EYA2: variants seen among roughly 807,000 people sequenced by gnomAD.
The protein encoded by EYA2 is EYA transcriptional coactivator and phosphatase 2, also known as protein phosphatase EYA2.
EYA2 carries 31 observed loss-of-function variants against 69.2 expected under a neutral mutation model. The observed-to-expected ratio is 0.45, with a 90% confidence interval of 0.34 to 0.60. EYA2 has a LOEUF of 0.60. Ranked by LOEUF, EYA2 falls within the 20% of genes least tolerant of loss-of-function variation. EYA2 has a pLI of 0.02. For missense variants in EYA2, 622 were observed against 701.2 expected (o/e 0.89, Z 1.28); for synonymous variants, 257 against 279.4 (o/e 0.92, Z 0.80).
At chr20:47,016,356 T>C (rs948901252) in intron 5 of EYA2, 59 bp downstream of exon 5, 3 of 1,285,576 alleles carry the variant, frequency 2.3e-6, no homozygotes, top group African/African-American at 2.9e-5. Context: ...AAGTTGGGTG[T>C]CCATTCATTC....
chr20:46,938,930 T>C (rs944580902), intron 1 of EYA2, among the ~76,000 whole-genome samples: 2 of 152,336 alleles, frequency 1.3e-5, no homozygotes, highest in South Asian at 4.1e-4. Flanking sequence ...ACATTAATAC[T>C]GTACTACTAC....
chr20:46,981,759 A>G (rs761285550), intron 1 of EYA2, among the ~76,000 whole-genome samples: 21 of 152,104 alleles, frequency 1.4e-4, no homozygotes, highest in Non-Finnish European at 2.4e-4. Context: ...TGTTGTATTC[A>G]TATTATTGAA....
At chr20:47,160,072 T>C (rs1467692105) in intron 10 of EYA2, among the ~76,000 whole-genome samples, 1 of 151,764 alleles carries the variant, frequency 6.6e-6, no homozygotes, top group African/African-American at 2.4e-5. Flanking sequence ...TGGAGGGAGG[T>C]GATATCCATT....
At chr20:46,987,820 G>C (rs559748692) in intron 1 of EYA2, among the ~76,000 whole-genome samples, 11 of 150,712 alleles carry the variant, frequency 7.3e-5, no homozygotes, top group South Asian at 2.1e-4. Context: ...TCAGCTACTC[G>C]GGAGGCTGAG....
intron 7 of EYA2, among the ~76,000 whole-genome samples, chr20:47,081,391 A>C (rs78435888): frequency 0.025 from 3,808 of 152,264 alleles, 157 homozygotes; most frequent in African/African-American, 0.084. Context: ...CAATATATAC[A>C]TATATCAAAA....
chr20:46,994,570 A>G (rs1349999544), intron 2 of EYA2, among the ~76,000 whole-genome samples: 1 of 152,020 alleles, frequency 6.6e-6, no homozygotes, highest in East Asian at 1.9e-4. Flanking sequence ...TTTCAGTCTC[A>G]CCGGTTCCAA....
intron 9 of EYA2, among the ~76,000 whole-genome samples, chr20:47,104,518 C>CA (rs774977359): frequency 2.0e-5 from 3 of 152,170 alleles, no homozygotes; most frequent in Non-Finnish European, 4.4e-5. Context: ...ACCTAGGTCA[C>CA]AGAGATTTAC....
chr20:47,049,199 C>T (rs113819380), intron 5 of EYA2, among the ~76,000 whole-genome samples: 1 of 149,116 alleles, frequency 6.7e-6, no homozygotes, highest in Non-Finnish European at 1.5e-5. Flanking sequence ...GTACAGAGTT[C>T]CCTGAAGCCC....
chr20:46,935,758 T>C (rs1009390515), intron 1 of EYA2, among the ~76,000 whole-genome samples: 1 of 152,146 alleles, frequency 6.6e-6, no homozygotes, highest in African/African-American at 2.4e-5. Context: ...AAATGTCAAA[T>C]AAATAATTAT....
At chr20:47,001,112 T>C (rs969544345) in intron 2 of EYA2, among the ~76,000 whole-genome samples, 2 of 152,082 alleles carry the variant, frequency 1.3e-5, no homozygotes, top group African/African-American at 2.4e-5. Flanking sequence ...TCTTTCTGTC[T>C]CTTTGGCCTC....
intron 10 of EYA2, 124 bp from the exon 11 acceptor site, chr20:47,169,015 G>A (rs1206035473): frequency 3.7e-6 from 3 of 807,088 alleles, no homozygotes; most frequent in East Asian, 5.0e-5. Context: ...TAGAACCCGA[G>A]CCTGATGACT....
At chr20:47,032,207 T>C (rs1038026243) in intron 5 of EYA2, among the ~76,000 whole-genome samples, 6 of 152,164 alleles carry the variant, frequency 3.9e-5, no homozygotes, top group African/African-American at 1.4e-4. Context: ...GTTCAGGTGG[T>C]AAAGCGGGGA....
At chr20:46,930,807 C>T (rs1682535238) in intron 1 of EYA2, among the ~76,000 whole-genome samples, 1 of 152,228 alleles carries the variant, frequency 6.6e-6, no homozygotes, top group South Asian at 2.1e-4. Flanking sequence ...GACGCGTTGA[C>T]TCTGTGCCAG....
At chr20:47,011,361 T>A (rs1468271537) in intron 4 of EYA2, among the ~76,000 whole-genome samples, 1 of 152,160 alleles carries the variant, frequency 6.6e-6, no homozygotes, top group East Asian at 1.9e-4. Context: ...AGGGGGCTGT[T>A]GATATTTTAA....
intron 1 of EYA2, among the ~76,000 whole-genome samples, chr20:46,896,337 G>A (rs1352504006): frequency 2.0e-5 from 3 of 151,742 alleles, no homozygotes; most frequent in African/African-American, 7.3e-5. Context: ...TACAGAACTA[G>A]TAAGCACCTT....
rs115159549 is a variant in EYA2 at position 47,050,329 on chromosome 20, C to T, written c.416-21856C>T. 2.0e-3 allele frequency among the ~76,000 whole-genome samples: 308 copies of T among 152,340 alleles called. 1 individual carries two copies. The highest frequency in any genetic ancestry group is 6.9e-3 in the African/African-American group (288 of 41,586). On this transcript the variant is annotated intron_variant, in intron 5 of 15. Transcript: ENST00000327619. ...AACAAACACAAAATATTCAGCAGGA[C>T]ACATCAGCAGACCTCACCCATCCCT...
At chr20:47,159,577 A>T (rs963672567) in intron 10 of EYA2, among the ~76,000 whole-genome samples, 1 of 152,086 alleles carries the variant, frequency 6.6e-6, no homozygotes, top group Non-Finnish European at 1.5e-5. Flanking sequence ...ACACAGCACT[A>T]TCTGCTTATT....
At chr20:47,111,119 G>A (rs6094594) in intron 9 of EYA2, among the ~76,000 whole-genome samples, 48,970 of 152,168 alleles carry the variant, frequency 0.32, 9,072 homozygotes, top group African/African-American at 0.51. Context: ...AATGACAGGT[G>A]CAGTTGGTCC....
intron 10 of EYA2, among the ~76,000 whole-genome samples, chr20:47,155,356 C>A (rs140698111): frequency 6.6e-6 from 1 of 152,048 alleles, no homozygotes; most frequent in East Asian, 2.0e-4. Context: ...TCTGAATGCA[C>A]CTTCTAGAAA....
Sources: gnomAD v4.1 joint callset for allele counts (sites outside exome capture counted in the v4.1 genomes callset) on GRCh38, gnomAD v4.1.1 for gene constraint, MANE v1.5 for transcripts, NCBI Gene and HGNC (gene_info 2026-07-23, HGNC 2026-07-21) for gene names.